Variants in TEP1 observed in about 807,000 individuals in gnomAD.
TEP1 encodes telomerase protein component 1.
In TEP1, 241 loss-of-function variants were observed where a neutral mutation model predicts 306.3. The observed-to-expected ratio is 0.79, with a 90% CI of 0.71 to 0.88. The LOEUF (loss-of-function observed/expected upper bound fraction) is 0.88, where lower values mean the gene tolerates loss of function less well. Among genes scored for constraint, TEP1 ranks in the 40% least tolerant of loss-of-function variants. The pLI, the probability that TEP1 is intolerant of heterozygous loss-of-function variation, is 0.00. For synonymous variants in TEP1, 1,289 were observed against 1,305.5 expected, an observed-to-expected ratio of 0.99 and a Z score of 0.27; for missense variants, 3,051 against 3,276.1, an observed-to-expected ratio of 0.93 and a Z score of 1.68.
At chr14:20,403,349 A>G in intron 7 of TEP1, 28 bp downstream of exon 7, 1 of 1,613,328 alleles carries the variant, frequency 6.2e-7, no homozygotes, top group Non-Finnish European at 8.5e-7. Flanking sequence ...GTACATGCAC[A>G]TATACAACCC....
intron 9 of TEP1, among the ~76,000 whole-genome samples, chr14:20,400,497 C>CAAAAAAAAAAAAAAAAAAAAAAAAA (rs71108598): frequency 1.2e-5 from 1 of 85,472 alleles, no homozygotes; most frequent in Non-Finnish European, 2.6e-5. Flanking sequence ...AAAAGTAGAC[C>CAAAAAAAAAAAAAAAAAAAAAAAAA]AAAAAAAAAA....
rs941617480 is a variant in TEP1 at position 20,371,502 on chromosome 14, G to T, written c.7207C>A (p.Pro2403Thr). Residue 2403 changes from proline (P) to threonine (T), a missense_variant, in exon 50 of 55, where the codon CCA becomes ACA. Transcript: ENST00000262715. Reference sequence around the variant, plus strand: ...TTTGGATCTTACCAGATTTCAGATGGAGCATCCCCTGGCTTCATGCAAAGT... The same window carrying T: ...TTTGGATCTTACCAGATTTCAGATGTAGCATCCCCTGGCTTCATGCAAAGT... ...KLLCMKPGDA[P>T]SEIWSSYTEN... is the part of the protein sequence containing the mutation. 6 of 1,608,918 alleles carry T rather than the reference G, an allele frequency of 3.7e-6. No individual in the cohort carries two copies. Among genetic ancestry groups the T allele is most frequent in the Non-Finnish European group, 5.1e-6 (6 of 1,179,064 alleles).
Position 20,386,097 on chromosome 14 carries a change from G to A in TEP1, c.2960C>T (p.Pro987Leu), listed in dbSNP as rs751730686. Residue 987 changes from proline (P) to leucine (L), a missense_variant, in exon 20 of 55, where the codon CCT (proline) becomes CTT (leucine). Pro to Leu is a moderately conservative substitution (Grantham distance 98). Around this residue, in one of 3 missense-constraint regions of TEP1, gnomAD observed 1,507 missense variants for 1,550.5 expected, o/e 0.97. Transcript: ENST00000262715. Reference sequence around the variant, plus strand: ...TACCCAGTGGAAGTGTGGATGGTCAGGAAGGTTGTAGCTGGGGGGAATGTA... The same window carrying A: ...TACCCAGTGGAAGTGTGGATGGTCAAGAAGGTTGTAGCTGGGGGGAATGTA... ...YGYIPPSYNL[P>L]DHPHFHWAQQ... 3 of 1,612,138 alleles carry A rather than the reference G, an allele frequency of 1.9e-6. No individual in the cohort carries two copies. Among genetic ancestry groups the A allele is most frequent in the South Asian group, 1.1e-5 (1 of 90,618 alleles).
chr14:20,382,931 C>A (rs1181824991), intron 27 of TEP1, among the ~76,000 whole-genome samples: 6 of 152,192 alleles, frequency 3.9e-5, no homozygotes, highest in African/African-American at 1.4e-4. Flanking sequence ...GCCTACCCCA[C>A]CAAAAACCAC....
At position 20,395,849 on chromosome 14, in the gene TEP1, G is replaced by A. The variant is rs755614059; in HGVS notation, c.1750+10C>T. 9 of 1,612,068 alleles carry A rather than the reference G, an allele frequency of 5.6e-6. No individual in the cohort carries two copies. Among genetic ancestry groups the A allele is most frequent in the Non-Finnish European group, 7.6e-6 (9 of 1,178,666 alleles). On this transcript the variant is annotated intron_variant, in intron 11 of 54. Coordinates refer to ENST00000262715, the MANE Select transcript of TEP1 (RefSeq NM_007110.5). ...GAGGCAAAGAGGAGTTGGAAGAAAG[G>A]GGAGAATACCTTGATTTCTGAGTTG...
At position 20,373,296 on chromosome 14, in the gene TEP1, C is replaced by T. The variant is rs760137518; in HGVS notation, c.6788G>A (p.Arg2263Gln). The stretch of plus-strand genomic sequence containing the variant: ...TGCTTCCTTAGGAACCTGCCAGAGC[C>T]GTACAGAACCATCCTCAGAGGCGGT... ...MLTASEDGSV[R>Q]LWQVPKEADD... Residue 2263 changes from arginine to glutamine, a missense_variant, in exon 47 of 55, where the codon CGG becomes CAG. Arg to Gln is a conservative substitution (Grantham distance 43). Transcript: ENST00000262715. The T allele has an allele frequency of 1.7e-5, 27 of 1,614,038 alleles. No homozygotes were observed. In the East Asian group the frequency reaches 2.2e-4, roughly 13 times the overall value.
At chr14:20,400,611 T>G (rs963423538) in intron 9 of TEP1, 4 of 156,080 alleles carry the variant, frequency 2.6e-5, no homozygotes, top group African/African-American at 9.6e-5. Flanking sequence ...ACCTAAAACT[T>G]CCATGTCCTA....
At position 20,384,116 on chromosome 14, in the gene TEP1, T is replaced by G; in HGVS notation, c.3456A>C (p.Thr1152=). The G allele has an allele frequency of 2.5e-6, 4 of 1,614,078 alleles. No homozygotes were observed. The highest frequency in any genetic ancestry group is 3.4e-6 in the Non-Finnish European group (4 of 1,180,002). Residue 1152 remains threonine (T), a synonymous_variant, in exon 24 of 55, where the codon ACA becomes ACC. Coordinates refer to ENST00000262715, the MANE Select transcript of TEP1 (RefSeq NM_007110.5). ...SPARPRLLQD[T]VQRLMLPHGR... ...CGTGGGGCAGCATCAGCCGTTGCAC[T>G]GTGTCCTGAAGAAGGCGTGGCCGGG...
At chr14:20,375,698 G>C (rs1323168589) in intron 43 of TEP1, 57 bp downstream of exon 43, 3 of 1,143,602 alleles carry the variant, frequency 2.6e-6, no homozygotes, top group Non-Finnish European at 4.0e-6. Context: ...GGTGGGGAGT[G>C]TTGTCTTGCC....
Position 20,405,597 on chromosome 14 carries a change from GA to G in TEP1, c.736-13del. On this transcript the variant is annotated splice_polypyrimidine_tract_variant and intron_variant, in intron 3 of 54. Transcript: ENST00000262715. Reference sequence around the variant, plus strand: ...CTCAGTAGAGCCATCTGGGAATTGAGAAAGAGGGAAGAAATGAGAAGAGAGG... The same window carrying G: ...CTCAGTAGAGCCATCTGGGAATTGAGAAGAGGGAAGAAATGAGAAGAGAGG... 1.2e-6 allele frequency: 2 copies of G among 1,612,766 alleles called. No individual in the cohort carries two copies. Among genetic ancestry groups the G allele is most frequent in the Non-Finnish European group, 1.7e-6 (2 of 1,179,374 alleles).
rs1289471094 is a variant in TEP1, at chr14:20,375,867, C to G, written c.6251G>C (p.Ser2084Thr). Reference sequence around the variant, plus strand: ...TGTCCTCACGTCCCAGCAGAGGAGACTCTGGATAGGCCCCAAGGAGAGGGA... The same window carrying G: ...TGTCCTCACGTCCCAGCAGAGGAGAGTCTGGATAGGCCCCAAGGAGAGGGA... Reference protein sequence around the residue: ...GSLATGGRDRSLLCWDVRTPK... With the variant: ...GSLATGGRDRTLLCWDVRTPK... The change falls in exon 43 of 55, where the codon AGT becomes ACT. Residue 2084 changes from serine to threonine, a missense_variant and splice_region_variant. Physicochemically the swap from Ser to Thr is moderately conservative, Grantham distance 58 (BLOSUM62 1). This residue lies in a region of TEP1 where 1,540 missense variants were observed against 1,705.9 expected (regional missense o/e 0.90). Transcript: ENST00000262715. 1.2e-6 allele frequency: 2 copies of G among 1,609,310 alleles called. No individual in the cohort carries two copies. The highest frequency in any genetic ancestry group is 2.2e-5 in the South Asian group (2 of 90,940).
intron 2 of TEP1, 100 bp from the exon 3 acceptor site, chr14:20,406,500 TCTCCATTAATAGCAC>T: frequency 8.4e-7 from 1 of 1,191,688 alleles, no homozygotes; most frequent in Non-Finnish European, 1.2e-6. Context: ...AAAGTCTACA[TCTCCATTAATAGCAC>T]CTCTAATGTT....
At position 20,377,931 on chromosome 14, in the gene TEP1, G is replaced by A. The variant is rs1461389594; in HGVS notation, c.5721+93C>T. 6 of 1,519,834 alleles carry A rather than the reference G, an allele frequency of 3.9e-6. No homozygotes were observed. The African/African-American group carries it at 4.1e-5, about 10-fold the overall frequency. 94.1% of individuals were successfully genotyped at this position (1,519,834 alleles called of 1,614,324 possible). Reference sequence around the variant, plus strand: ...TTCCTGCAATCCAAGCTCCTCCACAGTCTCCTCGACAAAGGACCCCCACCC... The same window carrying A: ...TTCCTGCAATCCAAGCTCCTCCACAATCTCCTCGACAAAGGACCCCCACCC... On this transcript the variant is annotated intron_variant, in intron 39 of 54. Coordinates refer to ENST00000262715, the MANE Select transcript of TEP1 (RefSeq NM_007110.5).
At chr14:20,400,497 C>CAAAAAAAAAAAAAAAAA (rs71108598) in intron 9 of TEP1, among the ~76,000 whole-genome samples, 8 of 85,470 alleles carry the variant, frequency 9.4e-5, no homozygotes, top group Non-Finnish European at 1.6e-4. Flanking sequence ...AAAAGTAGAC[C>CAAAAAAAAAAAAAAAAA]AAAAAAAAAA....
chr14:20,377,766 A>G lies in TEP1; in HGVS notation c.5722-13T>C, dbSNP rs756009645. ...ACCACACCTGAACCTGGGAACCAAG[A>G]AAAGGGCTTAAGGATACCACCTCCA... is the stretch of plus-strand genomic sequence containing the variant. On this transcript the variant is annotated splice_polypyrimidine_tract_variant and intron_variant, in intron 39 of 54. Coordinates refer to ENST00000262715, the MANE Select transcript of TEP1 (RefSeq NM_007110.5). 3 of 1,612,522 alleles carry G rather than the reference A, an allele frequency of 1.9e-6. No individual in the cohort carries two copies. The highest frequency in any genetic ancestry group is 1.3e-5 in the African/African-American group (1 of 74,862).
chr14:20,406,281 G>A lies in TEP1; in HGVS notation c.687C>T (p.Asp229=). 1.2e-6 allele frequency: 2 copies of A among 1,614,054 alleles called. No individual in the cohort carries two copies. Among genetic ancestry groups the A allele is most frequent in the East Asian group, 2.2e-5 (1 of 44,864 alleles). ...CAGTAGGCTCTGGATGAGATTCAGA[G>A]TCTCCAGAGGTGAGCTTCACGGCCA... is the stretch of plus-strand genomic sequence containing the variant. ...EDLAVKLTSG[D]SESHPEPTDH... is the part of the protein sequence containing the mutation. The change falls in exon 3 of 55, where the codon GAC becomes GAT. Residue 229 remains aspartate, a synonymous_variant. Transcript: ENST00000262715.
chr14:20,404,466 G>T, intron 5 of TEP1, 145 bp downstream of exon 5: 2 of 1,029,720 alleles, frequency 1.9e-6, no homozygotes, highest in South Asian at 1.8e-5. Context: ...CCAGCCTAGT[G>T]GAGGGAGAAG....
Position 20,369,474 on chromosome 14 carries a change from G to A in TEP1, c.7526C>T (p.Ala2509Val). The A allele has an allele frequency of 1.1e-5, 17 of 1,614,188 alleles. No homozygotes were observed. Among genetic ancestry groups the A allele is most frequent in the Non-Finnish European group, 1.4e-5 (16 of 1,180,024 alleles). ...WTTGNMWQKK[A>V]NTPETQTPGT... ...TGGAGTTTGGGTTTCTGGAGTGTTT[G>A]CTTTTTTCTGCCACATGTTACCTGT... The change falls in exon 53 of 55, where the codon GCA (alanine) becomes GTA (valine). Residue 2509 changes from alanine (A) to valine (V), a missense_variant. Coordinates refer to ENST00000262715, the MANE Select transcript of TEP1 (RefSeq NM_007110.5).
intron 7 of TEP1, among the ~76,000 whole-genome samples, chr14:20,402,040 C>T (rs116204233): frequency 2.6e-5 from 4 of 152,202 alleles, no homozygotes; most frequent in African/African-American, 2.4e-5. Flanking sequence ...CTTTGGGAGG[C>T]CAAGGCAGGT....
Sources: allele counts gnomAD v4.1 joint callset (sites outside exome capture counted in the v4.1 genomes callset), GRCh38; gene constraint gnomAD v4.1.1; regional missense constraint gnomAD v4.1.1; transcripts MANE v1.5; gene names NCBI Gene and HGNC (gene_info 2026-07-23, HGNC 2026-07-21).